The following ASXL3 variants were observed in gnomAD, a reference collection of about 807,000 sequenced individuals.
ASXL3 encodes the protein ASXL transcriptional regulator 3, also known as putative Polycomb group protein ASXL3.
Under a neutral mutation model 170.6 loss-of-function variants are expected in ASXL3, and 34 were observed. That is an observed-to-expected ratio of 0.20 (90% confidence interval 0.15 to 0.27). The LOEUF (loss-of-function observed/expected upper bound fraction) is 0.27, where lower values mean the gene tolerates loss of function less well. ASXL3 is among the 10% of genes least tolerant of loss of function. The probability of loss-of-function intolerance (pLI) is 1.00; values close to 1 mark genes in which losing one functional copy is unlikely to be tolerated. For synonymous variants in ASXL3, 1,002 were observed against 989.1 expected, an observed-to-expected ratio of 1.01 and a Z score of -0.24; for missense variants, 2,592 against 2,695.3, an observed-to-expected ratio of 0.96 and a Z score of 0.85.
chr18:33,745,104 G>A lies in ASXL3; in HGVS notation c.5256G>A (p.Gln1752=). The change falls in exon 12 of 12, where the codon CAG becomes CAA. Residue 1752 remains glutamine (Q), a synonymous_variant. Transcript: ENST00000269197. ...SVEANNPLVT[Q]LLQGNLPLEK... ...AGGCTAACAATCCGCTGGTGACGCA[G>A]TTACTACAGGGCAACCTGCCTTTGG... 6.2e-7 allele frequency: 1 copy of A among 1,614,020 alleles called. No individual in the cohort carries two copies. Among genetic ancestry groups the A allele is most frequent in the East Asian group, 2.2e-5 (1 of 44,870 alleles).
intron 2 of ASXL3, among the ~76,000 whole-genome samples, chr18:33,617,423 G>A (rs1249470183): frequency 3.3e-5 from 5 of 152,092 alleles, no homozygotes; most frequent in African/African-American, 9.7e-5. Flanking sequence ...CCTGGGAGGC[G>A]GAGGTTGCAT....
intron 11 of ASXL3, among the ~76,000 whole-genome samples, chr18:33,741,211 G>T (rs1180375595): frequency 6.6e-6 from 1 of 152,048 alleles, no homozygotes; most frequent in Admixed American, 6.6e-5. Context: ...TTCCATAGGA[G>T]ATATTTTTAA....
intron 2 of ASXL3, among the ~76,000 whole-genome samples, chr18:33,628,181 T>C: frequency 6.6e-6 from 1 of 152,040 alleles, no homozygotes; most frequent in Non-Finnish European, 1.5e-5. Flanking sequence ...GATGAGGAAA[T>C]TGGTGCTGAG....
intron 8 of ASXL3, among the ~76,000 whole-genome samples, chr18:33,710,616 A>C (rs1162533750): frequency 6.6e-6 from 1 of 152,122 alleles, no homozygotes; most frequent in Non-Finnish European, 1.5e-5. Flanking sequence ...GGCACTCTTA[A>C]ATAGGATCAA....
chr18:33,689,415 C>T (rs1402081936), intron 8 of ASXL3, among the ~76,000 whole-genome samples: 2 of 152,302 alleles, frequency 1.3e-5, no homozygotes, highest in South Asian at 2.1e-4. Context: ...CCAAATTTAG[C>T]CAGTTGTCCC....
intron 2 of ASXL3, among the ~76,000 whole-genome samples, chr18:33,636,103 G>C (rs1305768559): frequency 6.6e-6 from 1 of 152,162 alleles, no homozygotes; most frequent in Non-Finnish European, 1.5e-5. Flanking sequence ...GTCGTAAAAG[G>C]CTTCCCCATA....
chr18:33,624,088 A>T (rs1430520036), intron 2 of ASXL3, among the ~76,000 whole-genome samples: 1 of 152,116 alleles, frequency 6.6e-6, no homozygotes, highest in African/African-American at 2.4e-5. Context: ...AGCCAAGAAG[A>T]TGCAGGCTGC....
chr18:33,687,919 GT>G (rs1227272820), intron 8 of ASXL3, among the ~76,000 whole-genome samples: 1 of 152,014 alleles, frequency 6.6e-6, no homozygotes, highest in African/African-American at 2.4e-5. Flanking sequence ...TTGGTCCTAG[GT>G]CTCAGTTATT....
intron 1 of ASXL3, among the ~76,000 whole-genome samples, chr18:33,600,364 A>G (rs1445390135): frequency 6.6e-6 from 1 of 152,156 alleles, no homozygotes; most frequent in Non-Finnish European, 1.5e-5. Flanking sequence ...ATTCAAAGGC[A>G]AAAACTAGGA....
chr18:33,616,293 A>G (rs911486507), intron 2 of ASXL3, among the ~76,000 whole-genome samples: 5 of 152,058 alleles, frequency 3.3e-5, no homozygotes, highest in East Asian at 1.9e-4. Flanking sequence ...TACTGCAGCC[A>G]TAGTTGAGTA....
At position 33,635,014 on chromosome 18, in the gene ASXL3, G is replaced by T. The variant is rs182751866; in HGVS notation, c.138-9880G>T. ...TGCAGAGGTGATTAGTAGCTTTTAG[G>T]AGATGAAGATGAGGGGATCTTGACA... On this transcript the variant is annotated intron_variant, in intron 2 of 11. Coordinates refer to ENST00000269197, the MANE Select transcript of ASXL3 (RefSeq NM_030632.3). Among the ~76,000 whole-genome samples, 45 of 152,274 alleles carry T rather than the reference G, an allele frequency of 3.0e-4. 1 individual carries two copies. The highest frequency in any genetic ancestry group is 2.8e-3 in the Admixed American group (43 of 15,296).
Position 33,644,392 on chromosome 18 carries a change from C to T in ASXL3, c.138-502C>T, listed in dbSNP as rs115805989. ...TGAGTAACTTAAATACTTATAATTT[C>T]AAATCAGTTCTTCCCTGGTTTATTA... On this transcript the variant is annotated intron_variant, in intron 2 of 11. Coordinates refer to ENST00000269197, the MANE Select transcript of ASXL3 (RefSeq NM_030632.3). Among the ~76,000 whole-genome samples, 458 of 151,744 alleles carry T rather than the reference C, an allele frequency of 3.0e-3. 3 individuals carry two copies. The highest frequency in any genetic ancestry group is 0.011 in the African/African-American group (443 of 41,452).
intron 8 of ASXL3, among the ~76,000 whole-genome samples, chr18:33,713,121 T>C (rs577812182): frequency 7.1e-4 from 108 of 152,038 alleles, no homozygotes; most frequent in Non-Finnish European, 1.4e-3. Flanking sequence ...AGATCATCTC[T>C]AGTGTGGCTC....
intron 8 of ASXL3, among the ~76,000 whole-genome samples, chr18:33,725,895 G>A (rs2067342045): frequency 6.6e-6 from 1 of 151,994 alleles, no homozygotes; most frequent in Non-Finnish European, 1.5e-5. Flanking sequence ...TACTTATCTT[G>A]AATATTCTCC....
chr18:33,729,492 A>C (rs1053561107), intron 8 of ASXL3, among the ~76,000 whole-genome samples: 4 of 152,162 alleles, frequency 2.6e-5, no homozygotes, highest in Non-Finnish European at 5.9e-5. Context: ...CCAAGATGAT[A>C]TAAAGTGGAG....
intron 8 of ASXL3, among the ~76,000 whole-genome samples, chr18:33,723,358 C>A (rs1374380919): frequency 6.6e-6 from 1 of 152,084 alleles, no homozygotes; most frequent in Non-Finnish European, 1.5e-5. Flanking sequence ...GTCAAAATAG[C>A]AACATTAACA....
At chr18:33,662,185 A>G (rs1038837294) in intron 5 of ASXL3, among the ~76,000 whole-genome samples, 1 of 152,188 alleles carries the variant, frequency 6.6e-6, no homozygotes, top group Non-Finnish European at 1.5e-5. Flanking sequence ...TATCTGGAAT[A>G]TTCATTTATG....
In ASXL3 at chr18:33,717,840, C is replaced by T. The variant is rs981606824; in HGVS notation, c.880-14128C>T. ...AATTAAATGGAAGGAATTTACCTCC[C>T]GTTTTCTGGTTTGTGCACAGCTAAT... is the stretch of plus-strand genomic sequence containing the variant. On this transcript the variant is annotated intron_variant, in intron 8 of 11. Transcript: ENST00000269197. 1.3e-4 allele frequency among the ~76,000 whole-genome samples: 20 copies of T among 152,134 alleles called. 1 individual carries two copies. The highest frequency in any genetic ancestry group is 8.3e-4 in the South Asian group (4 of 4,818).
intron 5 of ASXL3, 60 bp from the exon 6 acceptor site, chr18:33,670,613 A>G: frequency 7.9e-7 from 1 of 1,273,738 alleles, no homozygotes. Context: ...CACTTAATTC[A>G]ATTATGAGAA....
Sources: allele counts gnomAD v4.1 joint callset (sites outside exome capture counted in the v4.1 genomes callset), GRCh38; gene constraint gnomAD v4.1.1; transcripts MANE v1.5; gene names NCBI Gene and HGNC (gene_info 2026-07-23, HGNC 2026-07-21).